EXOC4: variants seen among roughly 807,000 people sequenced by gnomAD.
EXOC4 encodes the protein exocyst complex component 4.
EXOC4 carries 71 observed loss-of-function variants against 107.2 expected under a neutral mutation model. That is an observed-to-expected ratio of 0.66 (90% CI 0.55 to 0.81). The LOEUF is 0.81. Ranked by LOEUF, EXOC4 falls within the 30% of genes least tolerant of loss-of-function variation. The probability of loss-of-function intolerance (pLI) is 0.00; values close to 1 mark genes in which losing one functional copy is unlikely to be tolerated. For missense variants in EXOC4, 1,108 were observed against 1,189.6 expected (o/e 0.93, Z 1.01); for synonymous variants, 456 against 441.2 (o/e 1.03, Z -0.42).
intron 7 of EXOC4, among the ~76,000 whole-genome samples, chr7:133,401,100 G>A (rs1797078389): frequency 6.6e-6 from 1 of 151,590 alleles, no homozygotes; most frequent in Non-Finnish European, 1.5e-5. Context: ...TCCACTCTGG[G>A]GTGTGCCTAA....
intron 17 of EXOC4, among the ~76,000 whole-genome samples, chr7:134,050,830 T>TTTA (rs757254966): frequency 5.3e-5 from 8 of 152,126 alleles, no homozygotes; most frequent in South Asian, 2.1e-4. Context: ...AGGTTTTTTT[T>TTTA]TTATTATTAT....
At chr7:133,487,721 A>G (rs915464543) in intron 9 of EXOC4, among the ~76,000 whole-genome samples, 1 of 152,142 alleles carries the variant, frequency 6.6e-6, no homozygotes, top group African/African-American at 2.4e-5. Context: ...AAAACAAACA[A>G]ACAAACAAAA....
At chr7:133,469,541 C>T (rs189357499) in intron 7 of EXOC4, among the ~76,000 whole-genome samples, 1 of 152,234 alleles carries the variant, frequency 6.6e-6, no homozygotes, top group East Asian at 1.9e-4. Context: ...TTTGCAAAGA[C>T]AGTAATTTTG....
chr7:134,098,816 C>T, the EXOC4 span, among the ~76,000 whole-genome samples: 1 of 152,258 alleles, frequency 6.6e-6, no homozygotes, highest in East Asian at 1.9e-4. Context: ...AAGAGAAAAC[C>T]TTTAGAAAAT....
the EXOC4 span, among the ~76,000 whole-genome samples, chr7:134,075,746 A>T: frequency 1.1e-4 from 17 of 152,052 alleles, no homozygotes; most frequent in African/African-American, 4.1e-4. Flanking sequence ...GGTGGCCAAT[A>T]AGTTATGAGT....
chr7:133,548,812 T>G (rs1332046247), intron 9 of EXOC4, among the ~76,000 whole-genome samples: 1 of 152,216 alleles, frequency 6.6e-6, no homozygotes, highest in African/African-American at 2.4e-5. Context: ...ACTAAAACTT[T>G]CGCCATGTAA....
intron 4 of EXOC4, among the ~76,000 whole-genome samples, chr7:133,310,081 G>C (rs1794836522): frequency 6.6e-6 from 1 of 152,202 alleles, no homozygotes. Flanking sequence ...TCTTGCTTAA[G>C]ATGAGTGTGA....
At chr7:133,353,427 T>A (rs1476100406) in intron 5 of EXOC4, among the ~76,000 whole-genome samples, 1 of 152,116 alleles carries the variant, frequency 6.6e-6, no homozygotes, top group Non-Finnish European at 1.5e-5. Flanking sequence ...TTGACAGTTT[T>A]TTTATTTGTT....
intron 11 of EXOC4, among the ~76,000 whole-genome samples, chr7:133,824,707 C>T (rs901735587): frequency 1.3e-5 from 2 of 152,124 alleles, no homozygotes; most frequent in African/African-American, 2.4e-5. Flanking sequence ...CCTTCCTTGA[C>T]TCTTTCAGCT....
At chr7:133,433,400 G>A (rs1376254656) in intron 7 of EXOC4, among the ~76,000 whole-genome samples, 1 of 152,146 alleles carries the variant, frequency 6.6e-6, no homozygotes, top group Non-Finnish European at 1.5e-5. Flanking sequence ...GTTGGACTTG[G>A]TCTTTGCACT....
intron 10 of EXOC4, among the ~76,000 whole-genome samples, chr7:133,783,194 C>G (rs1796502949): frequency 6.6e-6 from 1 of 152,030 alleles, no homozygotes; most frequent in South Asian, 2.1e-4. Context: ...CCTTTGCATC[C>G]CTTGAAAACT....
chr7:134,041,806 T>C (rs1263536342), intron 17 of EXOC4, among the ~76,000 whole-genome samples: 1 of 152,208 alleles, frequency 6.6e-6, no homozygotes, highest in Non-Finnish European at 1.5e-5. Context: ...TCTGAAAAAT[T>C]ATTTAACTGG....
intron 14 of EXOC4, among the ~76,000 whole-genome samples, chr7:133,993,892 A>AGT (rs755309164): frequency 6.6e-4 from 101 of 152,364 alleles, no homozygotes; most frequent in Non-Finnish European, 1.2e-3. Context: ...GTCAGTGGAC[A>AGT]GACTATGACA....
intron 7 of EXOC4, among the ~76,000 whole-genome samples, chr7:133,404,890 ACACACACACACACG>A (rs1490068785): frequency 1.2e-4 from 3 of 25,354 alleles, no homozygotes; most frequent in Admixed American, 5.7e-4. Context: ...CCCAATACAC[ACACACACACACACG>A]CACACACACA....
intron 10 of EXOC4, among the ~76,000 whole-genome samples, chr7:133,655,601 A>G (rs570527893): frequency 3.3e-5 from 5 of 152,292 alleles, no homozygotes; most frequent in Admixed American, 6.5e-5. Context: ...CTAAGATACA[A>G]ACCCACACAT....
At chr7:133,612,964 G>T (rs1368695639) in intron 9 of EXOC4, among the ~76,000 whole-genome samples, 1 of 152,050 alleles carries the variant, frequency 6.6e-6, no homozygotes, top group Non-Finnish European at 1.5e-5. Flanking sequence ...AACAACATGG[G>T]TTTGAACTGT....
intron 10 of EXOC4, among the ~76,000 whole-genome samples, chr7:133,787,173 C>CT (rs3076807): frequency 0.87 from 115,350 of 132,968 alleles, 50,159 homozygotes; most frequent in East Asian, 0.97. Context: ...TTTTTCTTTT[C>CT]TTTTTTTTTT....
At chr7:133,441,942 G>A (rs1421246481) in intron 7 of EXOC4, among the ~76,000 whole-genome samples, 1 of 152,130 alleles carries the variant, frequency 6.6e-6, no homozygotes, top group Non-Finnish European at 1.5e-5. Context: ...GCAGAGTTGG[G>A]GACAGTGCAT....
At chr7:133,818,314 T>C (rs553007878) in intron 11 of EXOC4, among the ~76,000 whole-genome samples, 4 of 152,308 alleles carry the variant, frequency 2.6e-5, no homozygotes, top group African/African-American at 9.6e-5. Context: ...TCTCACACTT[T>C]TACCTAAATT....
Sources: gnomAD v4.1 joint callset for allele counts (sites outside exome capture counted in the v4.1 genomes callset) on GRCh38, gnomAD v4.1.1 for gene constraint, MANE v1.5 for transcripts, NCBI Gene and HGNC (gene_info 2026-07-23, HGNC 2026-07-21) for gene names.